The following GAPDH variants were observed in gnomAD, a reference collection of about 807,000 sequenced individuals.
GAPDH encodes the protein OCAS, p38 component.
In GAPDH, 13 loss-of-function variants were observed where a neutral mutation model predicts 31.2. The ratio of observed to expected loss-of-function variants is 0.42; its 90% CI spans 0.27 to 0.66. The LOEUF (loss-of-function observed/expected upper bound fraction) is 0.66. Ranked by LOEUF, GAPDH falls within the 30% of genes least tolerant of loss-of-function variation. The probability of loss-of-function intolerance (pLI) is 0.26; values close to 1 mark genes in which losing one functional copy is unlikely to be tolerated. For synonymous variants in GAPDH, 211 were observed against 166.9 expected (o/e 1.26, Z -2.04); for missense variants, 300 against 443.7 (o/e 0.68, Z 2.91).
intron 8 of GAPDH, 26 bp from the exon 9 acceptor site, chr12:6,538,075 C>G (rs1157412215): frequency 6.3e-7 from 1 of 1,598,776 alleles, no homozygotes; most frequent in Non-Finnish European, 8.5e-7. Context: ...AGAAAAAGGG[C>G]CCTGACAACT....
Position 6,537,904 on chromosome 12 carries a change from C to T in GAPDH, c.846C>T (p.Val282=), listed in dbSNP as rs1946520782. 6 of 1,614,022 alleles carry T rather than the reference C, an allele frequency of 3.7e-6. No homozygotes were observed. Among genetic ancestry groups the T allele is most frequent in the Non-Finnish European group, 5.1e-6 (6 of 1,180,036 alleles). ...GILGYTEHQV[V]SSDFNSDTHS... The stretch of plus-strand genomic sequence containing the variant: ...TGGGCTACACTGAGCACCAGGTGGT[C>T]TCCTCTGACTTCAACAGCGACACCC... Residue 282 remains valine, a synonymous_variant, in exon 8 of 9, where the codon GTC becomes GTT. Coordinates refer to ENST00000229239, the MANE Select transcript of GAPDH (RefSeq NM_002046.7). The surrounding 1 kb of genome is among the most constrained non-coding windows in gnomAD (Gnocchi z 4.9).
intron 8 of GAPDH, 34 bp from the exon 9 acceptor site, chr12:6,538,067 A>G (rs200482186): frequency 6.9e-6 from 11 of 1,598,978 alleles, no homozygotes; most frequent in Non-Finnish European, 9.3e-6. Flanking sequence ...GCTGGCTCAG[A>G]AAAAGGGCCC....
chr12:6,535,898 T>C (rs895892960), intron 2 of GAPDH, among the ~76,000 whole-genome samples: 1 of 149,660 alleles, frequency 6.7e-6, no homozygotes, highest in African/African-American at 2.4e-5. Flanking sequence ...CACTTACCTG[T>C]GCTCCCACTC....
At position 6,537,939 on chromosome 12, in the gene GAPDH, C is replaced by T. The variant is rs1803625; in HGVS notation, c.881C>T (p.Thr294Ile). ...SDFNSDTHSS[T>I]FDAGAGIALN... ...TTCAACAGCGACACCCACTCCTCCA[C>T]CTTTGACGCTGGGGCTGGCATTGCC... is the stretch of plus-strand genomic sequence containing the variant. The change falls in exon 8 of 9, where the codon ACC (threonine) becomes ATC (isoleucine). Residue 294 changes from threonine (T) to isoleucine (I), a missense_variant. Physicochemically the swap from Thr to Ile is moderately conservative, Grantham distance 89. Transcript: ENST00000229239. The surrounding 1 kb of genome is among the most constrained non-coding windows in gnomAD (Gnocchi z 4.9). The T allele has an allele frequency of 1.9e-6, 3 of 1,614,050 alleles. No homozygotes were observed. Among genetic ancestry groups the T allele is most frequent in the Admixed American group, 1.7e-5 (1 of 60,010 alleles).
chr12:6,538,283 A>C lies in GAPDH; in HGVS notation c.*113A>C, dbSNP rs1464599733. The C allele has an allele frequency of 5.6e-6, 5 of 891,670 alleles. No individual in the cohort carries two copies. Among genetic ancestry groups the C allele is most frequent in the Admixed American group, 3.9e-5 (2 of 50,662 alleles). 55.2% of individuals were successfully genotyped at this position (891,670 alleles called of 1,614,324 possible). A position where few individuals can be genotyped will look rare whatever the true frequency, so the allele number is the denominator to read the frequency against. ...ACCACACTGAATCTCCCCTCCTCACAGTTGCCATGTAGACCCCTTGAAGAG... is the reference window on the plus strand; with the variant it reads ...ACCACACTGAATCTCCCCTCCTCACCGTTGCCATGTAGACCCCTTGAAGAG... On this transcript the variant is annotated 3_prime_UTR_variant, in exon 9 of 9. Coordinates refer to ENST00000229239, the MANE Select transcript of GAPDH (RefSeq NM_002046.7).
rs1946504268 is a variant in GAPDH at position 6,537,514 on chromosome 12, C to T, written c.526-70C>T. On this transcript the variant is annotated intron_variant, in intron 7 of 8. Coordinates refer to ENST00000229239, the MANE Select transcript of GAPDH (RefSeq NM_002046.7). This position sits in a 1 kb window ranked among gnomAD's most constrained non-coding sequence, Gnocchi z 4.9. ...TGGGGACTGGCTTTCCCATAATTTC[C>T]TTTCAAGGTGGGGAGGGAGGTAGAG... The T allele has an allele frequency of 6.3e-7, 1 of 1,586,230 alleles. No homozygotes were observed.
At position 6,537,994 on chromosome 12, in the gene GAPDH, C is replaced by T. The variant is rs780684996; in HGVS notation, c.936C>T (p.Ser312=). 3.7e-6 allele frequency: 6 copies of T among 1,612,990 alleles called. No individual in the cohort carries two copies. Among genetic ancestry groups the T allele is most frequent in the East Asian group, 2.2e-5 (1 of 44,854 alleles). Residue 312 remains serine, a splice_region_variant and synonymous_variant, in exon 8 of 9, where the codon TCC becomes TCT. Coordinates refer to ENST00000229239, the MANE Select transcript of GAPDH (RefSeq NM_002046.7). The surrounding 1 kb of genome is among the most constrained non-coding windows in gnomAD (Gnocchi z 4.9). ...ACGACCACTTTGTCAAGCTCATTTCCTGGTATGTGGCTGGGGCCAGAGACT... is the reference window on the plus strand; with the variant it reads ...ACGACCACTTTGTCAAGCTCATTTCTTGGTATGTGGCTGGGGCCAGAGACT... ...ALNDHFVKLI[S]WYDNEFGYSN...
chr12:6,535,959 C>A (rs1592184807), intron 2 of GAPDH, among the ~76,000 whole-genome samples: 1 of 152,206 alleles, frequency 6.6e-6, no homozygotes, highest in Non-Finnish European at 1.5e-5. Flanking sequence ...CAAATCAAAG[C>A]CCTGGGACTA....
Position 6,534,560 on chromosome 12 carries a change from G to T in GAPDH, c.-33G>T. The T allele has an allele frequency of 1.9e-6, 1 of 523,620 alleles. No individual in the cohort carries two copies. Among genetic ancestry groups the T allele is most frequent in the Non-Finnish European group, 3.4e-6 (1 of 294,342 alleles). 32.4% of individuals were successfully genotyped at this position (523,620 alleles called of 1,614,324 possible). On this transcript the variant is annotated 5_prime_UTR_variant, in exon 1 of 9. Transcript: ENST00000229239. ...TCGACAGTCAGCCGCATCTTCTTTTGCGTCGCCAGGTGAAGACGGGCGGAG... is the reference window on the plus strand; with the variant it reads ...TCGACAGTCAGCCGCATCTTCTTTTTCGTCGCCAGGTGAAGACGGGCGGAG...
rs1171508703 is a variant in GAPDH at position 6,538,213 on chromosome 12, G to A, written c.*43G>A. 1.3e-6 allele frequency: 2 copies of A among 1,518,140 alleles called. No homozygotes were observed. The highest frequency in any genetic ancestry group is 2.7e-5 in the African/African-American group (2 of 73,220). 94.0% of individuals were successfully genotyped at this position (1,518,140 alleles called of 1,614,324 possible). A position where few individuals can be genotyped will look rare whatever the true frequency, so the allele number is the denominator to read the frequency against. On this transcript the variant is annotated 3_prime_UTR_variant, in exon 9 of 9. Transcript: ENST00000229239. Reference sequence around the variant, plus strand: ...CCCCAGCAAGAGCACAAGAGGAAGAGAGAGACCCTCACTGCTGGGGAGTCC... The same window carrying A: ...CCCCAGCAAGAGCACAAGAGGAAGAAAGAGACCCTCACTGCTGGGGAGTCC...
Position 6,537,817 on chromosome 12 carries a change from C to T in GAPDH, c.759C>T (p.Ala253=), listed in dbSNP as rs749586575. Residue 253 remains alanine (A), a synonymous_variant, in exon 8 of 9, where the codon GCC becomes GCT. Coordinates refer to ENST00000229239, the MANE Select transcript of GAPDH (RefSeq NM_002046.7). The surrounding 1 kb of genome is among the most constrained non-coding windows in gnomAD (Gnocchi z 4.9). The stretch of plus-strand genomic sequence containing the variant: ...TGACCTGCCGTCTAGAAAAACCTGC[C>T]AAATATGATGACATCAAGAAGGTGG... The part of the protein sequence containing the change: ...VDLTCRLEKP[A]KYDDIKKVVK... The T allele has an allele frequency of 1.2e-6, 2 of 1,611,894 alleles. No homozygotes were observed. Among genetic ancestry groups the T allele is most frequent in the African/African-American group, 2.7e-5 (2 of 74,860 alleles).
chr12:6,538,054 G>T (rs766484223), intron 8 of GAPDH, 47 bp from the exon 9 acceptor site: 15 of 1,599,586 alleles, frequency 9.4e-6, no homozygotes, highest in Non-Finnish European at 1.3e-5. Flanking sequence ...GCGCCCTCTG[G>T]TGGCTGGCTC....
Position 6,538,113 on chromosome 12 carries a change from A to G in GAPDH, c.951A>G (p.Glu317=). 1 of 1,613,940 alleles carries G rather than the reference A, an allele frequency of 6.2e-7. No homozygotes were observed. Among genetic ancestry groups the G allele is most frequent in the Non-Finnish European group, 8.5e-7 (1 of 1,180,014 alleles). ...TTTCATCTTCTAGGTATGACAACGA[A>G]TTTGGCTACAGCAACAGGGTGGTGG... ...FVKLISWYDN[E]FGYSNRVVDL... The change falls in exon 9 of 9, where the codon GAA becomes GAG. Residue 317 remains glutamate (E), a synonymous_variant. Transcript: ENST00000229239.
intron 4 of GAPDH, 43 bp from the exon 5 acceptor site, chr12:6,536,877 C>T (rs372259316): frequency 4.9e-4 from 780 of 1,589,298 alleles, no homozygotes; most frequent in Non-Finnish European, 6.5e-4. Flanking sequence ...AACCTTGTGT[C>T]CCTCAATATG....
intron 2 of GAPDH, 96 bp downstream of exon 2, chr12:6,534,957 GGCAGGGTAGCT>G: frequency 7.4e-7 from 1 of 1,345,934 alleles, no homozygotes; most frequent in Non-Finnish European, 1.0e-6. Flanking sequence ...GTCGTATGGG[GGCAGGGTAGCT>G]GTTCCCCGCA....
intron 2 of GAPDH, among the ~76,000 whole-genome samples, chr12:6,535,840 G>T (rs1366047512): frequency 6.6e-6 from 1 of 152,198 alleles, no homozygotes; most frequent in Non-Finnish European, 1.5e-5. Context: ...TTCTGTAGCT[G>T]GGGGCCTGGG....
intron 2 of GAPDH, among the ~76,000 whole-genome samples, chr12:6,535,673 C>G (rs1946447815): frequency 6.6e-6 from 1 of 152,284 alleles, no homozygotes; most frequent in South Asian, 2.1e-4. Flanking sequence ...CCCTGCCAGC[C>G]TAGCGTTGAC....
chr12:6,537,506 A>T lies in GAPDH; in HGVS notation c.526-78A>T. ...GGGGGTTCTGGGGACTGGCTTTCCC[A>T]TAATTTCCTTTCAAGGTGGGGAGGG... On this transcript the variant is annotated intron_variant, in intron 7 of 8. Transcript: ENST00000229239. The surrounding 1 kb of genome is among the most constrained non-coding windows in gnomAD (Gnocchi z 4.9). 1 of 1,585,616 alleles carries T rather than the reference A, an allele frequency of 6.3e-7. No individual in the cohort carries two copies. Among genetic ancestry groups the T allele is most frequent in the Non-Finnish European group, 8.6e-7 (1 of 1,162,930 alleles).
chr12:6,536,373 G>A (rs1946464873), intron 2 of GAPDH, 121 bp from the exon 3 acceptor site: 2 of 737,564 alleles, frequency 2.7e-6, no homozygotes, highest in Admixed American at 4.2e-5. Flanking sequence ...TCAACCTCTT[G>A]GGCCCTCCTG....
Sources: allele counts gnomAD v4.1 joint callset (sites outside exome capture counted in the v4.1 genomes callset), GRCh38; gene constraint gnomAD v4.1.1; non-coding constraint Gnocchi (gnomAD v3.1); transcripts MANE v1.5; gene names NCBI Gene and HGNC (gene_info 2026-07-23, HGNC 2026-07-21).